Variants in ZRANB3 observed in about 807,000 individuals in gnomAD.
ZRANB3 encodes zinc finger RANBP2-type containing 3, also known as DNA annealing helicase and endonuclease ZRANB3.
A neutral mutation model predicts 133.8 loss-of-function variants in ZRANB3; 125 were observed. The observed-to-expected ratio is 0.93, with a 90% CI of 0.81 to 1.08. The LOEUF (loss-of-function observed/expected upper bound fraction) is 1.08, where lower values mean the gene tolerates loss of function less well. ZRANB3 is among the 50% of genes least tolerant of loss of function. The pLI, the probability that ZRANB3 is intolerant of heterozygous loss-of-function variation, is 0.00. For missense variants in ZRANB3, 1,229 were observed against 1,275.5 expected, an observed-to-expected ratio of 0.96 and a Z score of 0.56; for synonymous variants, 387 against 432.7, an observed-to-expected ratio of 0.89 and a Z score of 1.31.
intron 1 of ZRANB3, among the ~76,000 whole-genome samples, chr2:135,517,887 T>C (rs1693765143): frequency 6.6e-6 from 1 of 152,170 alleles, no homozygotes; most frequent in Admixed American, 6.5e-5. Context: ...AGGTGCTCTG[T>C]CCCAGGAAGA....
chr2:135,245,947 A>AAAAAAAAAAAAAAAG (rs1553461041), intron 12 of ZRANB3, among the ~76,000 whole-genome samples: 2 of 145,382 alleles, frequency 1.4e-5, no homozygotes, highest in Admixed American at 6.9e-5. Context: ...AAAAAAAAAA[A>AAAAAAAAAAAAAAAG]AGAGACAGGG....
chr2:135,312,708 G>T (rs1020397273), intron 8 of ZRANB3, among the ~76,000 whole-genome samples: 3 of 152,070 alleles, frequency 2.0e-5, no homozygotes, highest in Non-Finnish European at 4.4e-5. Context: ...AAAACCATGG[G>T]AATACTAATA....
intron 6 of ZRANB3, among the ~76,000 whole-genome samples, chr2:135,319,707 C>G (rs1461315613): frequency 1.3e-5 from 2 of 152,160 alleles, no homozygotes; most frequent in African/African-American, 4.8e-5. Flanking sequence ...TGTCCACTCA[C>G]CCATTACCAG....
At chr2:135,407,509 C>T (rs200945022) in intron 2 of ZRANB3, among the ~76,000 whole-genome samples, 20,335 of 137,624 alleles carry the variant, frequency 0.15, 2,244 homozygotes, top group South Asian at 0.3. Context: ...GAGCCCGCAT[C>T]GCCAAGTCAA....
rs371923804 is a variant in ZRANB3, at chr2:135,406,633, G to C, written c.162-15813C>G. 2.9e-3 allele frequency among the ~76,000 whole-genome samples: 438 copies of C among 152,206 alleles called. 22 individuals are homozygous for C. The East Asian group carries it at 0.076, about 26-fold the overall frequency. ...AAAAGCTTATCCACCATGATCAAGT[G>C]GGCTTCATCCCTGGGATGCAAGGTT... On this transcript the variant is annotated intron_variant, in intron 2 of 20. Transcript: ENST00000264159.
chr2:135,407,006 C>G (rs2104948197), intron 2 of ZRANB3, among the ~76,000 whole-genome samples: 2 of 152,190 alleles, frequency 1.3e-5, no homozygotes, highest in East Asian at 3.9e-4. Context: ...AAAGGGTATT[C>G]AATTAGGAAA....
At chr2:135,339,144 GCTCATGC>G (rs1684511568) in intron 6 of ZRANB3, among the ~76,000 whole-genome samples, 1 of 152,164 alleles carries the variant, frequency 6.6e-6, no homozygotes, top group South Asian at 2.1e-4. Flanking sequence ...AGGTGTGGTG[GCTCATGC>G]CTGTAATCCC....
In ZRANB3 at chr2:135,315,367, C is replaced by T. The variant is rs765291905; in HGVS notation, c.841G>A (p.Ala281Thr). 2.3e-5 allele frequency: 36 copies of T among 1,561,902 alleles called. No homozygotes were observed. The South Asian group carries it at 4.3e-4, about 19-fold the overall frequency. ...CAAGCAACGGTTCTCACCTTGGCAG[C>T]TGCTGATGGAAGATCAAATGGAATA... ...QRIPFDLPSAAAKELNTSFEE... is the reference protein window; with the variant it reads ...QRIPFDLPSATAKELNTSFEE... Residue 281 changes from alanine to threonine, a missense_variant, in exon 7 of 21, where the codon GCT becomes ACT. By Grantham distance (58) the Ala-to-Thr change is moderately conservative. Coordinates refer to ENST00000264159, the MANE Select transcript of ZRANB3 (RefSeq NM_032143.4).
At chr2:135,343,725 A>G (rs1364083681) in intron 6 of ZRANB3, among the ~76,000 whole-genome samples, 2 of 150,284 alleles carry the variant, frequency 1.3e-5, no homozygotes, top group Non-Finnish European at 2.9e-5. Flanking sequence ...AAGGGCAAAC[A>G]GCACACATAG....
intron 2 of ZRANB3, among the ~76,000 whole-genome samples, chr2:135,421,203 A>G (rs1688829103): frequency 6.6e-6 from 1 of 152,184 alleles, no homozygotes; most frequent in African/African-American, 2.4e-5. Context: ...TCTTGTAACT[A>G]TGGAAAACTG....
intron 12 of ZRANB3, among the ~76,000 whole-genome samples, chr2:135,231,662 C>A (rs1016351386): frequency 2.0e-5 from 3 of 152,074 alleles, no homozygotes; most frequent in Admixed American, 6.6e-5. Context: ...GTGGTGTGCA[C>A]CTGTAGTCCC....
chr2:135,491,181 A>T (rs1692354781), intron 2 of ZRANB3, among the ~76,000 whole-genome samples: 1 of 152,208 alleles, frequency 6.6e-6, no homozygotes, highest in Admixed American at 6.5e-5. Flanking sequence ...CAATGAAAAT[A>T]CTTCACTATT....
intron 2 of ZRANB3, among the ~76,000 whole-genome samples, chr2:135,405,859 G>A (rs768657606): frequency 8.5e-5 from 13 of 152,152 alleles, no homozygotes; most frequent in Non-Finnish European, 2.9e-5. Flanking sequence ...ATGCCCACAA[G>A]AGAAAGCAGG....
At chr2:135,340,620 C>T (rs953523938) in intron 6 of ZRANB3, among the ~76,000 whole-genome samples, 1 of 151,968 alleles carries the variant, frequency 6.6e-6, no homozygotes, top group Non-Finnish European at 1.5e-5. Context: ...CTAAGGCAGG[C>T]AGATCATGAG....
At chr2:135,413,624 C>G (rs1260198381) in intron 2 of ZRANB3, among the ~76,000 whole-genome samples, 1 of 152,094 alleles carries the variant, frequency 6.6e-6, no homozygotes, top group African/African-American at 2.4e-5. Context: ...GTACAGAGAT[C>G]TAGGGTATTT....
chr2:135,245,685 G>A lies in ZRANB3; in HGVS notation c.1540-14758C>T, dbSNP rs186651856. ...CTCACGCCTGTAATCCCAGCACTTC[G>A]GGAGGCTGAGGCAGGCAGATCACCT... is the stretch of plus-strand genomic sequence containing the variant. On this transcript the variant is annotated intron_variant, in intron 12 of 20. Transcript: ENST00000264159. 2.3e-3 allele frequency among the ~76,000 whole-genome samples: 351 copies of A among 151,398 alleles called. 2 individuals carry two copies. Among genetic ancestry groups the A allele is most frequent in the African/African-American group, 7.2e-3 (298 of 41,312 alleles).
intron 3 of ZRANB3, among the ~76,000 whole-genome samples, chr2:135,387,834 A>G (rs932991613): frequency 3.9e-5 from 6 of 152,224 alleles, no homozygotes; most frequent in African/African-American, 1.4e-4. Flanking sequence ...GAATCAGCCA[A>G]ATGTGAAAAG....
intron 2 of ZRANB3, among the ~76,000 whole-genome samples, chr2:135,493,136 T>A (rs192834470): frequency 1.2e-4 from 6 of 48,310 alleles, no homozygotes; most frequent in African/African-American, 5.6e-4. Context: ...TATATATATA[T>A]ATATATATAT....
intron 2 of ZRANB3, among the ~76,000 whole-genome samples, chr2:135,466,314 C>T (rs1690991016): frequency 1.6e-5 from 2 of 127,418 alleles, no homozygotes; most frequent in South Asian, 2.7e-4. Flanking sequence ...ACCCGGGAGT[C>T]GGAGGTTGCA....
Sources: allele counts gnomAD v4.1 joint callset (sites outside exome capture counted in the v4.1 genomes callset), GRCh38; gene constraint gnomAD v4.1.1; transcripts MANE v1.5; gene names NCBI Gene and HGNC (gene_info 2026-07-23, HGNC 2026-07-21).